The following RIMS2 variants were observed in gnomAD, a reference collection of about 807,000 sequenced individuals.
RIMS2 encodes regulating synaptic membrane exocytosis protein 2.
A neutral mutation model predicts 174.4 loss-of-function variants in RIMS2; 59 were observed. That is an observed-to-expected ratio of 0.34 (90% CI 0.27 to 0.42). The LOEUF is 0.42. Ranked by LOEUF, RIMS2 falls within the 10% of genes least tolerant of loss-of-function variation. The pLI is 1.00. For missense variants in RIMS2, 1,620 were observed against 1,666.3 expected (o/e 0.97, Z 0.48); for synonymous variants, 606 against 572.5 (o/e 1.06, Z -0.84).
intron 2 of RIMS2, among the ~76,000 whole-genome samples, chr8:103,706,017 T>A (rs534324155): frequency 1.6e-4 from 25 of 151,890 alleles, no homozygotes; most frequent in African/African-American, 6.0e-4. Flanking sequence ...GATAAGTCAT[T>A]TTTTTTTCCT....
intron 3 of RIMS2, among the ~76,000 whole-genome samples, chr8:103,793,791 G>C (rs1327340273): frequency 1.3e-5 from 2 of 152,090 alleles, no homozygotes; most frequent in African/African-American, 4.8e-5. Flanking sequence ...ACCAATAACA[G>C]ACAAACAGAG....
At chr8:103,649,923 A>C (rs1357839126) in intron 1 of RIMS2, among the ~76,000 whole-genome samples, 2 of 152,004 alleles carry the variant, frequency 1.3e-5, no homozygotes, top group Non-Finnish European at 2.9e-5. Context: ...TACTTTTGTC[A>C]CTTCAGCCAT....
Position 104,208,859 on chromosome 8 carries a change from C to G in RIMS2, c.3335-36057C>G, listed in dbSNP as rs568040182. 2.0e-5 allele frequency among the ~76,000 whole-genome samples: 3 copies of G among 152,196 alleles called. No individual in the cohort carries two copies. The South Asian group carries it at 6.2e-4, about 32-fold the overall frequency. On this transcript the variant is annotated intron_variant, in intron 19 of 23. Transcript: ENST00000504942. The stretch of plus-strand genomic sequence containing the variant: ...GCCTGATAGACACTTTTAAATGGAC[C>G]CGAAATTCCATGAACTTGACAAAGG...
chr8:103,752,538 G>A, intron 2 of RIMS2, among the ~76,000 whole-genome samples: 1 of 152,004 alleles, frequency 6.6e-6, no homozygotes, highest in Non-Finnish European at 1.5e-5. Context: ...AAATTACCTT[G>A]GGCAGTGTGG....
intron 3 of RIMS2, among the ~76,000 whole-genome samples, chr8:103,842,303 G>A (rs927531180): frequency 6.6e-6 from 1 of 151,792 alleles, no homozygotes; most frequent in Non-Finnish European, 1.5e-5. Flanking sequence ...GAAATAAAAA[G>A]GCATAGAAAG....
chr8:103,630,326 A>C (rs2095880730), intron 1 of RIMS2, among the ~76,000 whole-genome samples: 1 of 152,140 alleles, frequency 6.6e-6, no homozygotes, highest in Admixed American at 6.5e-5. Flanking sequence ...CAAAAGTACT[A>C]TAAATTCAAA....
At chr8:104,032,462 G>A (rs1260205002) in intron 19 of RIMS2, among the ~76,000 whole-genome samples, 5 of 151,852 alleles carry the variant, frequency 3.3e-5, no homozygotes, top group Non-Finnish European at 2.9e-5. Context: ...ATGACCTTAA[G>A]CAGTAGGATA....
At chr8:103,628,657 C>T (rs879899260) in intron 1 of RIMS2, among the ~76,000 whole-genome samples, 1 of 151,328 alleles carries the variant, frequency 6.6e-6, no homozygotes, top group Non-Finnish European at 1.5e-5. Context: ...GTGTGAGCCA[C>T]TGTGGCTGGC....
chr8:104,056,466 C>T (rs2096871362), intron 19 of RIMS2, among the ~76,000 whole-genome samples: 2 of 151,776 alleles, frequency 1.3e-5, no homozygotes, highest in African/African-American at 2.4e-5. Context: ...CAAAACTATT[C>T]GTTTTATAGA....
At chr8:104,001,117 T>A (rs1044122699) in intron 17 of RIMS2, among the ~76,000 whole-genome samples, 2 of 151,834 alleles carry the variant, frequency 1.3e-5, no homozygotes, top group African/African-American at 4.8e-5. Flanking sequence ...GTTTTTGAGG[T>A]CTTACTCAAG....
intron 4 of RIMS2, among the ~76,000 whole-genome samples, chr8:103,906,371 A>G (rs1226666049): frequency 2.0e-5 from 3 of 152,034 alleles, no homozygotes; most frequent in Admixed American, 1.3e-4. Flanking sequence ...CAGCCTCCCA[A>G]GTAGCTGGGA....
intron 1 of RIMS2, among the ~76,000 whole-genome samples, chr8:103,600,220 T>C (rs990776061): frequency 6.6e-6 from 1 of 152,066 alleles, no homozygotes; most frequent in African/African-American, 2.4e-5. Flanking sequence ...CTCATTCTTT[T>C]AGTGGCTGAG....
At chr8:103,900,091 G>A (rs1361490453) in intron 4 of RIMS2, among the ~76,000 whole-genome samples, 2 of 151,592 alleles carry the variant, frequency 1.3e-5, no homozygotes, top group Non-Finnish European at 1.5e-5. Context: ...CTCTGTTTTG[G>A]TACCAGTACC....
intron 3 of RIMS2, among the ~76,000 whole-genome samples, chr8:103,859,488 T>A (rs1019558378): frequency 3.9e-5 from 6 of 152,122 alleles, no homozygotes; most frequent in African/African-American, 1.4e-4. Flanking sequence ...TTCTATTCCC[T>A]GGTCAGCCAT....
intron 1 of RIMS2, among the ~76,000 whole-genome samples, chr8:103,618,194 A>G (rs578156989): frequency 6.6e-6 from 1 of 152,262 alleles, no homozygotes; most frequent in African/African-American, 2.4e-5. Context: ...AGGAGCATGG[A>G]TGGAGCTGGA....
At chr8:104,077,082 A>G (rs1220229119) in intron 19 of RIMS2, among the ~76,000 whole-genome samples, 1 of 152,000 alleles carries the variant, frequency 6.6e-6, no homozygotes, top group African/African-American at 2.4e-5. Context: ...GGCCTCACAA[A>G]GTGCTAGGAT....
At chr8:104,214,680 T>A (rs2138001828) in intron 19 of RIMS2, among the ~76,000 whole-genome samples, 1 of 152,298 alleles carries the variant, frequency 6.6e-6, no homozygotes, top group South Asian at 2.1e-4. Context: ...ACTCCTGACC[T>A]CAAGTGGTCT....
intron 2 of RIMS2, among the ~76,000 whole-genome samples, chr8:103,750,595 G>A (rs552328944): frequency 6.6e-6 from 1 of 152,120 alleles, no homozygotes; most frequent in Non-Finnish European, 1.5e-5. Context: ...CACGTGTCAA[G>A]TGTGGGACCA....
chr8:103,674,478 T>C (rs571471225), intron 1 of RIMS2, among the ~76,000 whole-genome samples: 1 of 152,234 alleles, frequency 6.6e-6, no homozygotes, highest in African/African-American at 2.4e-5. Context: ...CTTTTTATTT[T>C]TAACTGTTTT....
Sources: allele counts gnomAD v4.1 joint callset (sites outside exome capture counted in the v4.1 genomes callset), GRCh38; gene constraint gnomAD v4.1.1; transcripts MANE v1.5; gene names NCBI Gene and HGNC (gene_info 2026-07-23, HGNC 2026-07-21).